The following YTHDC2 variants were observed in gnomAD, a reference collection of about 807,000 sequenced individuals.
YTHDC2 encodes the protein 3'-5' RNA helicase YTHDC2.
Under a neutral mutation model 174.9 loss-of-function variants are expected in YTHDC2, and 45 were observed. That is an observed-to-expected ratio of 0.26 (90% CI 0.20 to 0.33). YTHDC2 has a LOEUF of 0.33. Among genes scored for constraint, YTHDC2 ranks in the 10% least tolerant of loss-of-function variants. The pLI, the probability that YTHDC2 is intolerant of heterozygous loss-of-function variation, is 1.00. For missense variants in YTHDC2, 1,650 were observed against 1,723.7 expected, an observed-to-expected ratio of 0.96 and a Z score of 0.76; for synonymous variants, 657 against 574.5, an observed-to-expected ratio of 1.14 and a Z score of -2.05.
chr5:113,554,170 AT>A, intron 16 of YTHDC2, 148 bp downstream of exon 16: 1 of 589,898 alleles, frequency 1.7e-6, no homozygotes, highest in Non-Finnish European at 2.6e-6. Flanking sequence ...TATAAGCAGA[AT>A]TTACGAAAAA....
At chr5:113,550,842 T>C (rs1302085262) in intron 12 of YTHDC2, among the ~76,000 whole-genome samples, 1 of 151,978 alleles carries the variant, frequency 6.6e-6, no homozygotes, top group Non-Finnish European at 1.5e-5. Context: ...GTCTTTTAGA[T>C]AGAAATTTTA....
intron 26 of YTHDC2, among the ~76,000 whole-genome samples, chr5:113,589,651 G>T (rs535981680): frequency 6.6e-6 from 1 of 151,696 alleles, no homozygotes; most frequent in Admixed American, 6.6e-5. Context: ...AGGATCACAT[G>T]AACCCAGGAA....
intron 26 of YTHDC2, among the ~76,000 whole-genome samples, chr5:113,586,340 T>C (rs1778678431): frequency 6.6e-6 from 1 of 151,990 alleles, no homozygotes; most frequent in Non-Finnish European, 1.5e-5. Flanking sequence ...TAGTTCACTT[T>C]TTGTTGTTGG....
chr5:113,537,193 A>G (rs1439623826), intron 7 of YTHDC2, among the ~76,000 whole-genome samples: 1 of 152,112 alleles, frequency 6.6e-6, no homozygotes, highest in Non-Finnish European at 1.5e-5. Context: ...TTGCCATTTT[A>G]CTTTTCAAAA....
intron 2 of YTHDC2, among the ~76,000 whole-genome samples, chr5:113,524,274 A>G (rs1774066245): frequency 6.6e-6 from 1 of 152,122 alleles, no homozygotes; most frequent in Admixed American, 6.5e-5. Flanking sequence ...GGTATATAAC[A>G]CTATACCTAC....
Position 113,545,728 on chromosome 5 carries a change from A to ATTTTT in YTHDC2, c.1496-2787_1496-2783dup, listed in dbSNP as rs1159754942. Among the ~76,000 whole-genome samples, 11 of 49,480 alleles carry ATTTTT rather than the reference A, an allele frequency of 2.2e-4. 1 individual carries two copies. The highest frequency in any genetic ancestry group is 1.9e-3 in the African/African-American group (9 of 4,858). 32.5% of individuals were successfully genotyped at this position (49,480 alleles called of 152,430 possible). On this transcript the variant is annotated intron_variant, in intron 10 of 29. Coordinates refer to ENST00000161863, the MANE Select transcript of YTHDC2 (RefSeq NM_022828.5). ...ATTTTTTGAAAAATAATTGATCTCC[A>ATTTTT]TTTTTTTTTTTTTTTTTTTTTTTTT... is the stretch of plus-strand genomic sequence containing the variant.
intron 8 of YTHDC2, 114 bp downstream of exon 8, chr5:113,539,295 A>G (rs1000344618): frequency 5.5e-5 from 24 of 435,384 alleles, no homozygotes; most frequent in South Asian, 3.4e-4. Context: ...TTTCTCTTGT[A>G]TATAATTGTA....
At chr5:113,534,782 A>G (rs1774942712) in intron 6 of YTHDC2, among the ~76,000 whole-genome samples, 1 of 152,146 alleles carries the variant, frequency 6.6e-6, no homozygotes, top group Non-Finnish European at 1.5e-5. Context: ...TTAATATCAT[A>G]TATTTCCCAA....
Position 113,540,964 on chromosome 5 carries a change from T to G in YTHDC2, c.1211-4T>G, listed in dbSNP as rs767860516. 4 of 1,608,602 alleles carry G rather than the reference T, an allele frequency of 2.5e-6. No homozygotes were observed. The African/African-American group carries it at 4.0e-5, about 16-fold the overall frequency. On this transcript the variant is annotated splice_region_variant and splice_polypyrimidine_tract_variant and intron_variant, in intron 8 of 29. Coordinates refer to ENST00000161863, the MANE Select transcript of YTHDC2 (RefSeq NM_022828.5). ...ACATATTCTTTCTTTGATAATTAATTTAGAAGAGAAACAACAAACCACACT... is the reference window on the plus strand; with the variant it reads ...ACATATTCTTTCTTTGATAATTAATGTAGAAGAGAAACAACAAACCACACT...
intron 7 of YTHDC2, among the ~76,000 whole-genome samples, chr5:113,538,774 G>C (rs149868970): frequency 3.2e-4 from 48 of 152,078 alleles, no homozygotes; most frequent in African/African-American, 9.9e-4. Flanking sequence ...TGCCTCCAGG[G>C]AACAGGAAAT....
chr5:113,574,122 G>A (rs1777893941), intron 23 of YTHDC2, among the ~76,000 whole-genome samples: 1 of 152,144 alleles, frequency 6.6e-6, no homozygotes, highest in Admixed American at 6.5e-5. Flanking sequence ...TGAGGATGCT[G>A]ACCTTTGAAT....
At chr5:113,588,043 A>G (rs1778789286) in intron 26 of YTHDC2, among the ~76,000 whole-genome samples, 1 of 152,060 alleles carries the variant, frequency 6.6e-6, no homozygotes, top group South Asian at 2.1e-4. Context: ...AATTGCAGGT[A>G]TTCATTGTTA....
chr5:113,557,980 A>G (rs1459886906), intron 17 of YTHDC2, among the ~76,000 whole-genome samples: 1 of 152,208 alleles, frequency 6.6e-6, no homozygotes, highest in African/African-American at 2.4e-5. Context: ...GTTGCAGTCC[A>G]TGTGGGAGTC....
intron 10 of YTHDC2, 52 bp from the exon 11 acceptor site, chr5:113,548,489 G>C: frequency 6.6e-7 from 1 of 1,523,040 alleles, no homozygotes; most frequent in Non-Finnish European, 8.8e-7. Context: ...GAATGAAAAT[G>C]GTTTGAAGTA....
intron 27 of YTHDC2, 78 bp from the exon 28 acceptor site, chr5:113,591,918 C>T (rs1201411714): frequency 7.1e-6 from 8 of 1,128,388 alleles, no homozygotes; most frequent in Non-Finnish European, 8.2e-6. Context: ...TTTAAAAACT[C>T]AGCCTTCTCA....
rs1033744481 is a variant in YTHDC2, at chr5:113,593,861, T to C, written c.*387T>C. 1.3e-5 allele frequency: 2 copies of C among 152,206 alleles called. No homozygotes were observed. Among genetic ancestry groups the C allele is most frequent in the Admixed American group, 1.3e-4 (2 of 15,270 alleles). 9.4% of individuals were successfully genotyped at this position (152,206 alleles called of 1,614,324 possible). A position where few individuals can be genotyped will look rare whatever the true frequency, so the allele number is the denominator to read the frequency against. ...ATATATCAGAACATCTGAGCACCAT[T>C]TTAGAAGAGTCAACTCTTAAGATTA... is the stretch of plus-strand genomic sequence containing the variant. On this transcript the variant is annotated 3_prime_UTR_variant, in exon 30 of 30. Transcript: ENST00000161863.
At chr5:113,539,935 TCTATTA>T (rs1775335620) in intron 8 of YTHDC2, among the ~76,000 whole-genome samples, 1 of 152,188 alleles carries the variant, frequency 6.6e-6, no homozygotes, top group East Asian at 1.9e-4. Context: ...AGGTTCTTGT[TCTATTA>T]CTCAGGCTGG....
chr5:113,565,797 G>A (rs3763139), intron 20 of YTHDC2, 96 bp from the exon 21 acceptor site: 5 of 1,289,306 alleles, frequency 3.9e-6, no homozygotes, highest in East Asian at 2.6e-5. Context: ...GCAAATTCAC[G>A]TCGAGGAATT....
At chr5:113,589,707 G>C (rs1778907742) in intron 26 of YTHDC2, among the ~76,000 whole-genome samples, 1 of 151,984 alleles carries the variant, frequency 6.6e-6, no homozygotes, top group South Asian at 2.1e-4. Context: ...ATTCCAGCCT[G>C]TATGACAGAG....
Sources: gnomAD v4.1 joint callset for allele counts (sites outside exome capture counted in the v4.1 genomes callset) on GRCh38, gnomAD v4.1.1 for gene constraint, MANE v1.5 for transcripts, NCBI Gene and HGNC (gene_info 2026-07-23, HGNC 2026-07-21) for gene names.